The following SLCO2A1 variants were observed in gnomAD, a reference collection of about 807,000 sequenced individuals.
SLCO2A1 encodes the protein solute carrier organic anion transporter family member 2A1.
Under a neutral mutation model 71.7 loss-of-function variants are expected in SLCO2A1, and 60 were observed. The observed-to-expected ratio is 0.84, with a 90% CI of 0.68 to 1.04. The LOEUF (loss-of-function observed/expected upper bound fraction) is 1.04. Ranked by LOEUF, SLCO2A1 falls within the 50% of genes least tolerant of loss-of-function variation. SLCO2A1 has a pLI of 0.00. For synonymous variants in SLCO2A1, 308 were observed against 326.7 expected, an observed-to-expected ratio of 0.94 and a Z score of 0.62; for missense variants, 745 against 813.4, an observed-to-expected ratio of 0.92 and a Z score of 1.02.
In SLCO2A1 at chr3:133,935,913, G is replaced by T. The variant is rs377477074; in HGVS notation, c.1691-16C>A. The stretch of plus-strand genomic sequence containing the variant: ...GGCAGCCAGGCTGGAAGAGGGTTCA[G>T]AAAGCCCTGGTCAGGTGGAACTGCA... On this transcript the variant is annotated splice_polypyrimidine_tract_variant and intron_variant, in intron 12 of 13. Coordinates refer to ENST00000310926, the MANE Select transcript of SLCO2A1 (RefSeq NM_005630.3). 1 of 1,575,590 alleles carries T rather than the reference G, an allele frequency of 6.3e-7. No homozygotes were observed. Among genetic ancestry groups the T allele is most frequent in the African/African-American group, 1.3e-5 (1 of 74,162 alleles).
At chr3:133,999,874 T>C (rs1462987180) in intron 1 of SLCO2A1, among the ~76,000 whole-genome samples, 3 of 152,228 alleles carry the variant, frequency 2.0e-5, no homozygotes, top group African/African-American at 7.2e-5. Context: ...TACGGAATTT[T>C]ATCTCTATCT....
At chr3:133,985,980 C>A (rs143067014) in intron 1 of SLCO2A1, among the ~76,000 whole-genome samples, 3 of 152,218 alleles carry the variant, frequency 2.0e-5, no homozygotes, top group Non-Finnish European at 4.4e-5. Context: ...ACTTACTTGG[C>A]TAAACCCAAA....
At chr3:133,953,557 G>T in intron 5 of SLCO2A1, 106 bp downstream of exon 5, 1 of 821,454 alleles carries the variant, frequency 1.2e-6, no homozygotes, top group Admixed American at 2.0e-5. Flanking sequence ...AGGTGGCAGA[G>T]CGCATCTGGA....
At chr3:133,951,433 T>G in intron 5 of SLCO2A1, 89 bp from the exon 6 acceptor site, 1 of 1,500,782 alleles carries the variant, frequency 6.7e-7, no homozygotes. Flanking sequence ...GGAGTTTCAC[T>G]GATTTTCTTC....
Position 133,947,298 on chromosome 3 carries a change from A to G in SLCO2A1, c.1253T>C (p.Met418Thr), listed in dbSNP as rs1302896457. Reference protein sequence around the residue: ...SMILCVPLFFMGCSTPTVAEV... With the variant: ...SMILCVPLFFTGCSTPTVAEV... ...GGCCACAGTTGGGGTGGAGCATCCCATGAAGAACAAAGGAACACAAAGGAT... is the reference window on the plus strand; with the variant it reads ...GGCCACAGTTGGGGTGGAGCATCCCGTGAAGAACAAAGGAACACAAAGGAT... The change falls in exon 9 of 14, where the codon ATG becomes ACG. Residue 418 changes from methionine to threonine, a missense_variant. Coordinates refer to ENST00000310926, the MANE Select transcript of SLCO2A1 (RefSeq NM_005630.3). 2 of 1,614,198 alleles carry G rather than the reference A, an allele frequency of 1.2e-6. No individual in the cohort carries two copies. The highest frequency in any genetic ancestry group is 2.2e-5 in the East Asian group (1 of 44,882).
chr3:134,018,790 C>T (rs534169870), intron 1 of SLCO2A1, among the ~76,000 whole-genome samples: 1 of 110,106 alleles, frequency 9.1e-6, no homozygotes, highest in African/African-American at 3.4e-5. Flanking sequence ...ACTAAATGAA[C>T]CTGTTTAATT....
In SLCO2A1 at chr3:133,951,276, A is replaced by T. The variant is rs1243663403; in HGVS notation, c.793T>A (p.Ser265Thr). The change falls in exon 6 of 14, where the codon TCA (serine) becomes ACA (threonine). Residue 265 changes from serine to threonine, a missense_variant. Ser to Thr is a moderately conservative substitution (Grantham distance 58). Transcript: ENST00000310926. ...AAAGAGGTGAGAACCAATAAAGCTG[A>T]AGAAATGAGCAGGCCTAGCCACCAG... ...GAWWLGLLIS[S>T]ALLVLTSFPF... 3.1e-6 allele frequency: 5 copies of T among 1,614,168 alleles called. No homozygotes were observed. The highest frequency in any genetic ancestry group is 4.2e-6 in the Non-Finnish European group (5 of 1,180,036).
chr3:134,027,559 T>A (rs915367303), intron 1 of SLCO2A1, among the ~76,000 whole-genome samples: 2 of 152,172 alleles, frequency 1.3e-5, no homozygotes, highest in Non-Finnish European at 2.9e-5. Context: ...GAGACAGCAG[T>A]CTTGCTGATG....
intron 1 of SLCO2A1, among the ~76,000 whole-genome samples, chr3:133,996,442 T>C (rs528745461): frequency 2.0e-5 from 3 of 152,308 alleles, no homozygotes; most frequent in South Asian, 4.1e-4. Flanking sequence ...GCCTGTCGGC[T>C]CTCCCCAGTG....
intron 5 of SLCO2A1, among the ~76,000 whole-genome samples, chr3:133,952,114 G>A (rs4643708): frequency 0.14 from 21,835 of 152,210 alleles, 1,716 homozygotes; most frequent in Non-Finnish European, 0.16. Flanking sequence ...GCTTCCCTGG[G>A]CACTGCCCTG....
intron 4 of SLCO2A1, among the ~76,000 whole-genome samples, chr3:133,954,481 G>A (rs1933833247): frequency 6.6e-6 from 1 of 152,172 alleles, no homozygotes; most frequent in African/African-American, 2.4e-5. Flanking sequence ...TTGTTCGAAG[G>A]GAAGGATTTG....
At position 133,935,861 on chromosome 3, in the gene SLCO2A1, A is replaced by G. The variant is rs1375315845; in HGVS notation, c.1727T>C (p.Ile576Thr). Residue 576 changes from isoleucine to threonine, a missense_variant, in exon 13 of 14, where the codon ATT becomes ACT. Physicochemically the swap from Ile to Thr is moderately conservative, Grantham distance 89. Coordinates refer to ENST00000310926, the MANE Select transcript of SLCO2A1 (RefSeq NM_005630.3). ...LPSPALYGLT[I>T]DHSCIRWNSL... ...GTTCCACCGGATGCAGGAGTGGTCA[A>G]TGGTGAGGCCATAGAGGGCTGGAGA... 9 of 1,610,572 alleles carry G rather than the reference A, an allele frequency of 5.6e-6. No homozygotes were observed. The highest frequency in any genetic ancestry group is 6.8e-6 in the Non-Finnish European group (8 of 1,177,946).
chr3:134,029,809 G>C lies in SLCO2A1; in HGVS notation c.-7C>G, dbSNP rs998658998. 49 of 1,436,412 alleles carry C rather than the reference G, an allele frequency of 3.4e-5. No individual in the cohort carries two copies. Among genetic ancestry groups the C allele is most frequent in the Admixed American group, 8.6e-5 (3 of 34,704 alleles). The allele number at this position is 1,436,412 out of a possible 1,614,324, so 89.0% of individuals were successfully genotyped here. A position where few individuals can be genotyped will look rare whatever the true frequency, so the allele number is the denominator to read the frequency against. On this transcript the variant is annotated 5_prime_UTR_variant, in exon 1 of 14. Transcript: ENST00000310926. ...GCTTGGGCAGGAGCCCCATGGCTGC[G>C]GGCGGCTGGCCGGGCGCGGAGTGGC...
At chr3:133,967,826 TA>T (rs1934219326) in intron 3 of SLCO2A1, among the ~76,000 whole-genome samples, 17 of 21,540 alleles carry the variant, frequency 7.9e-4, no homozygotes, top group South Asian at 1.6e-3. Context: ...CCCACCTCCA[TA>T]CCCCCCACAC....
Position 134,005,683 on chromosome 3 carries a change from A to G in SLCO2A1, c.96+24024T>C, listed in dbSNP as rs111588180. ...TTTTTAGTAGAGACAGGGTTTCACC[A>G]TGTTAGCCAGGATGGTCTCAATCTC... On this transcript the variant is annotated intron_variant, in intron 1 of 13. Transcript: ENST00000310926. Among the ~76,000 whole-genome samples, 91 of 152,034 alleles carry G rather than the reference A, an allele frequency of 6.0e-4. 1 individual carries two copies. Among genetic ancestry groups the G allele is most frequent in the African/African-American group, 2.1e-3 (87 of 41,494 alleles).
At chr3:134,023,805 G>A (rs1935644602) in intron 1 of SLCO2A1, among the ~76,000 whole-genome samples, 1 of 152,212 alleles carries the variant, frequency 6.6e-6, no homozygotes, top group East Asian at 1.9e-4. Flanking sequence ...GCAGGTCAGA[G>A]GCCCAGACTG....
chr3:133,963,265 G>A (rs1348760567), intron 3 of SLCO2A1, among the ~76,000 whole-genome samples: 2 of 152,194 alleles, frequency 1.3e-5, no homozygotes, highest in African/African-American at 2.4e-5. Context: ...CTCCAGAGAT[G>A]GGGTAGATCT....
In SLCO2A1 at chr3:133,953,790, T is replaced by C. The variant is rs369838712; in HGVS notation, c.626-29A>G. On this transcript the variant is annotated intron_variant, in intron 4 of 13. Coordinates refer to ENST00000310926, the MANE Select transcript of SLCO2A1 (RefSeq NM_005630.3). ...GAAAAGGAAGTAAGGGGAAGGAGAC[T>C]GAGATAAATGGAGAGAGTTTGGCAG... 5.5e-5 allele frequency: 86 copies of C among 1,575,414 alleles called. 3 individuals carry two copies. The highest frequency in any genetic ancestry group is 2.2e-4 in the African/African-American group (16 of 74,222).
chr3:133,999,683 G>A (rs1251018734), intron 1 of SLCO2A1, among the ~76,000 whole-genome samples: 1 of 152,164 alleles, frequency 6.6e-6, no homozygotes, highest in Admixed American at 6.5e-5. Flanking sequence ...TTGAAGATGA[G>A]GAGAATTTCA....
Sources: allele counts gnomAD v4.1 joint callset (sites outside exome capture counted in the v4.1 genomes callset), GRCh38; gene constraint gnomAD v4.1.1; transcripts MANE v1.5; gene names NCBI Gene and HGNC (gene_info 2026-07-23, HGNC 2026-07-21).